The following CHN1 variants were observed in gnomAD, a reference collection of about 807,000 sequenced individuals.
CHN1 encodes the protein N-chimaerin.
CHN1 carries 37 observed loss-of-function variants against 59.5 expected under a neutral mutation model. That is an observed-to-expected ratio of 0.62 (90% CI 0.48 to 0.82). The LOEUF (loss-of-function observed/expected upper bound fraction) is 0.82. Among genes scored for constraint, CHN1 ranks in the 40% least tolerant of loss-of-function variants. CHN1 has a pLI of 0.00. For missense variants in CHN1, 469 were observed against 571.0 expected (o/e 0.82, Z 1.82); for synonymous variants, 206 against 200.4 (o/e 1.03, Z -0.24).
At chr2:174,848,362 G>A (rs1263668475) in intron 6 of CHN1, among the ~76,000 whole-genome samples, 1 of 151,104 alleles carries the variant, frequency 6.6e-6, no homozygotes, top group Non-Finnish European at 1.5e-5. Flanking sequence ...GGGGTGGCTA[G>A]GTGAGAGACT....
intron 1 of CHN1, among the ~76,000 whole-genome samples, chr2:174,957,276 C>T (rs192538771): frequency 6.6e-6 from 1 of 152,052 alleles, no homozygotes; most frequent in East Asian, 1.9e-4. Flanking sequence ...AAAGTGTGGC[C>T]CTGAAAAGAC....
At chr2:174,898,094 A>G (rs1352297320) in intron 5 of CHN1, among the ~76,000 whole-genome samples, 3 of 152,146 alleles carry the variant, frequency 2.0e-5, no homozygotes, top group Non-Finnish European at 4.4e-5. Context: ...TCCAAATGGT[A>G]TCTTCACCCC....
At chr2:174,962,851 A>T (rs1690460282) in intron 1 of CHN1, among the ~76,000 whole-genome samples, 1 of 152,184 alleles carries the variant, frequency 6.6e-6, no homozygotes, top group Non-Finnish European at 1.5e-5. Context: ...CAGAGGTTGC[A>T]GCGAGCCAAG....
At chr2:174,823,445 C>T (rs528023826) in intron 8 of CHN1, among the ~76,000 whole-genome samples, 6 of 152,162 alleles carry the variant, frequency 3.9e-5, no homozygotes, top group African/African-American at 1.2e-4. Context: ...GGGTGGATCA[C>T]GAGGTCAGGA....
At chr2:174,833,311 C>G (rs762431199) in intron 7 of CHN1, among the ~76,000 whole-genome samples, 4 of 152,110 alleles carry the variant, frequency 2.6e-5, no homozygotes, top group Admixed American at 1.3e-4. Context: ...ATTCTTCATT[C>G]CCAATAATAT....
intron 4 of CHN1, among the ~76,000 whole-genome samples, chr2:174,917,501 T>A (rs998176407): frequency 6.6e-6 from 1 of 151,394 alleles, no homozygotes; most frequent in Non-Finnish European, 1.5e-5. Flanking sequence ...GAAACAAAAC[T>A]TGACAATATA....
At chr2:174,902,873 CTT>C (rs1411812137) in intron 5 of CHN1, among the ~76,000 whole-genome samples, 1 of 152,202 alleles carries the variant, frequency 6.6e-6, no homozygotes, top group Admixed American at 6.5e-5. Context: ...CTCAGGAACT[CTT>C]TGGCCAAGCT....
At chr2:174,817,404 G>C (rs901969996) in intron 8 of CHN1, among the ~76,000 whole-genome samples, 10 of 151,546 alleles carry the variant, frequency 6.6e-5, no homozygotes, top group Admixed American at 1.3e-4. Flanking sequence ...TAAAACATCT[G>C]AATGGCAGTA....
intron 3 of CHN1, chr2:174,920,874 A>C (rs193239174): frequency 2.5e-6 from 1 of 395,052 alleles, no homozygotes; most frequent in African/African-American, 2.0e-5. Flanking sequence ...TAGAATCAGT[A>C]GGAGCCCTGA....
chr2:174,830,125 C>T (rs1025016565), intron 7 of CHN1, among the ~76,000 whole-genome samples: 1 of 151,708 alleles, frequency 6.6e-6, no homozygotes, highest in Admixed American at 6.6e-5. Context: ...CCCAGCTACT[C>T]GGGAGGCTGA....
intron 6 of CHN1, among the ~76,000 whole-genome samples, chr2:174,873,838 G>A (rs1687480949): frequency 6.6e-6 from 1 of 152,106 alleles, no homozygotes. Flanking sequence ...TTCATTCCAA[G>A]CTTAGAGGGG....
At chr2:174,936,665 C>T (rs1206466339) in intron 3 of CHN1, among the ~76,000 whole-genome samples, 1 of 151,858 alleles carries the variant, frequency 6.6e-6, no homozygotes, top group African/African-American at 2.4e-5. Flanking sequence ...TTTATATATA[C>T]CTATAAATGA....
At chr2:174,864,742 T>C (rs1331542983) in intron 6 of CHN1, among the ~76,000 whole-genome samples, 3 of 152,102 alleles carry the variant, frequency 2.0e-5, no homozygotes, top group Non-Finnish European at 4.4e-5. Flanking sequence ...TGCATGCCTG[T>C]AGTACCAGTA....
intron 1 of CHN1, among the ~76,000 whole-genome samples, chr2:174,979,612 A>C (rs1438573600): frequency 6.6e-6 from 1 of 152,156 alleles, no homozygotes; most frequent in African/African-American, 2.4e-5. Flanking sequence ...CAAGAGATTG[A>C]GACCATCCTG....
At chr2:174,861,440 G>A (rs2105453176) in intron 6 of CHN1, among the ~76,000 whole-genome samples, 1 of 152,294 alleles carries the variant, frequency 6.6e-6, no homozygotes, top group East Asian at 1.9e-4. Context: ...AAAATTCATG[G>A]CACATTCGTA....
intron 5 of CHN1, among the ~76,000 whole-genome samples, chr2:174,901,150 T>C (rs1172456165): frequency 7.2e-5 from 11 of 152,226 alleles, no homozygotes; most frequent in Non-Finnish European, 1.2e-4. Flanking sequence ...GCTTGGGTTA[T>C]GTCACAGCCC....
intron 1 of CHN1, among the ~76,000 whole-genome samples, chr2:174,982,359 T>C (rs1691182781): frequency 6.6e-6 from 1 of 152,218 alleles, no homozygotes. Context: ...TCTAGATCCC[T>C]GAGGAATTGC....
At chr2:174,886,903 A>T (rs1005982178) in intron 5 of CHN1, among the ~76,000 whole-genome samples, 1 of 152,204 alleles carries the variant, frequency 6.6e-6, no homozygotes, top group East Asian at 1.9e-4. Context: ...GCACAATTCA[A>T]TGAGTTTTGG....
chr2:174,990,260 TGTGA>T (rs759137654), intron 1 of CHN1, among the ~76,000 whole-genome samples: 4,293 of 98,414 alleles, frequency 0.044, 84 homozygotes, highest in Non-Finnish European at 0.053. Context: ...TGTGTGTGTG[TGTGA>T]GAGAGAGAGA....
Sources: gnomAD v4.1 joint callset for allele counts (sites outside exome capture counted in the v4.1 genomes callset) on GRCh38, gnomAD v4.1.1 for gene constraint, MANE v1.5 for transcripts, NCBI Gene and HGNC (gene_info 2026-07-23, HGNC 2026-07-21) for gene names.